GSTO1: variants seen among roughly 807,000 people sequenced by gnomAD.
GSTO1 encodes the protein glutathione S-transferase omega 1.
GSTO1 carries 27 observed loss-of-function variants against 23.8 expected under a neutral mutation model. The observed-to-expected ratio is 1.13, with a 90% CI of 0.83 to 1.56. The LOEUF (loss-of-function observed/expected upper bound fraction) is 1.56, where lower values mean the gene tolerates loss of function less well. Ranked by LOEUF, GSTO1 falls within the 40% of genes most tolerant of loss-of-function variation. The pLI is 0.00. For synonymous variants in GSTO1, 105 were observed against 109.3 expected (o/e 0.96, Z 0.25); for missense variants, 255 against 285.8 (o/e 0.89, Z 0.78).
At chr10:104,259,533 A>G (rs1486800633) in intron 2 of GSTO1, 43 bp from the exon 3 acceptor site, 3 of 1,310,808 alleles carry the variant, frequency 2.3e-6, no homozygotes, top group East Asian at 2.3e-5. Flanking sequence ...CAAAAGCACA[A>G]AAGTTGTTTC....
chr10:104,264,433 A>G (rs536990842), intron 4 of GSTO1, among the ~76,000 whole-genome samples: 1 of 152,210 alleles, frequency 6.6e-6, no homozygotes, highest in Non-Finnish European at 1.5e-5. Context: ...ATGCATTGAA[A>G]AAAAACTATG....
intron 2 of GSTO1, among the ~76,000 whole-genome samples, chr10:104,257,498 A>G (rs1480586074): frequency 6.6e-6 from 1 of 151,830 alleles, no homozygotes; most frequent in Non-Finnish European, 1.5e-5. Flanking sequence ...GTACCACCAC[A>G]CTTGGCTAAT....
intron 3 of GSTO1, 71 bp from the exon 4 acceptor site, chr10:104,262,908 C>A (rs760827589): frequency 4.2e-6 from 3 of 708,150 alleles, no homozygotes; most frequent in South Asian, 1.7e-5. Context: ...AGGGTTCTAC[C>A]ATATTTTTAT....
intron 2 of GSTO1, 50 bp downstream of exon 2, chr10:104,255,321 C>A: frequency 7.8e-7 from 1 of 1,285,420 alleles, no homozygotes; most frequent in Non-Finnish European, 1.1e-6. Flanking sequence ...GAGCCTGCTG[C>A]AGGCGGCGGG....
chr10:104,254,226 A>G (rs574624701), upstream of GSTO1: 1 of 152,614 alleles, frequency 6.6e-6, no homozygotes, highest in South Asian at 2.1e-4. Flanking sequence ...TTTGTCCCAT[A>G]CTTGGGAAGA....
rs959966473 is a variant in GSTO1, at chr10:104,255,968, T to C, written c.143+697T>C. Among the ~76,000 whole-genome samples, 11 of 152,220 alleles carry C rather than the reference T, an allele frequency of 7.2e-5. 1 individual carries two copies. The highest frequency in any genetic ancestry group is 2.7e-4 in the African/African-American group (11 of 41,456). On this transcript the variant is annotated intron_variant, in intron 2 of 5. Coordinates refer to ENST00000369713, the MANE Select transcript of GSTO1 (RefSeq NM_004832.3). The stretch of plus-strand genomic sequence containing the variant: ...CCTTCCCATGACCTTTGGATGTCTG[T>C]TGATTAGACATTTATTAGATACCTT...
Position 104,262,975 on chromosome 10 carries a change from C to T in GSTO1, c.367-4C>T, listed in dbSNP as rs765495752. On this transcript the variant is annotated splice_region_variant and splice_polypyrimidine_tract_variant and intron_variant, in intron 3 of 5. Transcript: ENST00000369713. Reference sequence around the variant, plus strand: ...GATAAACTAAGAAATTATTCTCTGTCTAGGTGCCATCCTTGGTAGGAAGCT... The same window carrying T: ...GATAAACTAAGAAATTATTCTCTGTTTAGGTGCCATCCTTGGTAGGAAGCT... 1 of 1,287,932 alleles carries T rather than the reference C, an allele frequency of 7.8e-7. No individual in the cohort carries two copies. Among genetic ancestry groups the T allele is most frequent in the South Asian group, 1.2e-5 (1 of 82,462 alleles). 79.8% of individuals were successfully genotyped at this position (1,287,932 alleles called of 1,614,324 possible).
In GSTO1 at chr10:104,255,215, G is replaced by T. The variant is rs1364917793; in HGVS notation, c.87G>T (p.Met29Ile). ...VPEGSIRIYS[M>I]RFCPFAERTR... The stretch of plus-strand genomic sequence containing the variant: ...AGGGCTCGATCCGCATCTACAGCAT[G>T]AGGTTCTGCCCGTTTGCTGAGAGGA... Residue 29 changes from methionine to isoleucine, a missense_variant, in exon 2 of 6, where the codon ATG becomes ATT. Met to Ile is a conservative substitution (Grantham distance 10). Coordinates refer to ENST00000369713, the MANE Select transcript of GSTO1 (RefSeq NM_004832.3). 3 of 1,613,838 alleles carry T rather than the reference G, an allele frequency of 1.9e-6. No homozygotes were observed. Among genetic ancestry groups the T allele is most frequent in the Non-Finnish European group, 2.5e-6 (3 of 1,179,882 alleles).
chr10:104,264,972 T>C (rs559648100), intron 4 of GSTO1, among the ~76,000 whole-genome samples: 4 of 152,354 alleles, frequency 2.6e-5, no homozygotes, highest in Admixed American at 2.6e-4. Flanking sequence ...AGAGTTATCA[T>C]ACTGCAAATC....
chr10:104,254,254 T>C (rs2091590669), upstream of GSTO1: 1 of 152,560 alleles, frequency 6.6e-6, no homozygotes, highest in Non-Finnish European at 1.5e-5. Flanking sequence ...TTAGTTTACA[T>C]TGCCAAGATG....
chr10:104,256,112 T>C (rs2091601849), intron 2 of GSTO1, among the ~76,000 whole-genome samples: 6 of 152,198 alleles, frequency 3.9e-5, no homozygotes, highest in Admixed American at 3.9e-4. Context: ...TCTTTAGGGG[T>C]AGGCAATTAT....
At position 104,254,928 on chromosome 10, in the gene GSTO1, G is replaced by A; in HGVS notation, c.-1G>A. 6.2e-7 allele frequency: 1 copy of A among 1,611,534 alleles called. No individual in the cohort carries two copies. Among genetic ancestry groups the A allele is most frequent in the South Asian group, 1.1e-5 (1 of 90,502 alleles). On this transcript the variant is annotated 5_prime_UTR_variant, in exon 1 of 6. Transcript: ENST00000369713. Reference sequence around the variant, plus strand: ...AGGAGCTCGGCCTGCGCTGCGCCACGATGTCCGGGGAGTCAGCCAGGAGCT... The same window carrying A: ...AGGAGCTCGGCCTGCGCTGCGCCACAATGTCCGGGGAGTCAGCCAGGAGCT...
chr10:104,256,465 T>A (rs947006680), intron 2 of GSTO1, among the ~76,000 whole-genome samples: 2 of 152,206 alleles, frequency 1.3e-5, no homozygotes, highest in African/African-American at 4.8e-5. Context: ...CCTACCTTAT[T>A]TACTGGGGCA....
Position 104,267,366 on chromosome 10 carries a change from C to T in GSTO1, c.687C>T (p.Tyr229=). Residue 229 remains tyrosine, a synonymous_variant, in exon 6 of 6, where the codon TAC becomes TAT. Coordinates refer to ENST00000369713, the MANE Select transcript of GSTO1 (RefSeq NM_004832.3). ...EKDWQGFLEL[Y]LQNSPEACDY... The stretch of plus-strand genomic sequence containing the variant: ...ACTGGCAAGGTTTCCTAGAGCTCTA[C>T]TTACAGAACAGCCCTGAGGCCTGTG... 1 of 1,613,868 alleles carries T rather than the reference C, an allele frequency of 6.2e-7. No individual in the cohort carries two copies.
In GSTO1 at chr10:104,267,410, G is replaced by C. The variant is rs749691598; in HGVS notation, c.*5G>C. ...GCCTGTGACTATGGGCTCTGAAGGG[G>C]GCAGGAGTCAGCAATAAAGCTATGT... On this transcript the variant is annotated 3_prime_UTR_variant, in exon 6 of 6. Coordinates refer to ENST00000369713, the MANE Select transcript of GSTO1 (RefSeq NM_004832.3). 8 of 1,583,876 alleles carry C rather than the reference G, an allele frequency of 5.1e-6. No homozygotes were observed. In the South Asian group the frequency reaches 9.2e-5, roughly 18 times the overall value.
rs1463349133 is a variant in GSTO1 at position 104,255,216 on chromosome 10, A to C, written c.88A>C (p.Arg30=). 2 of 1,613,718 alleles carry C rather than the reference A, an allele frequency of 1.2e-6. No homozygotes were observed. Among genetic ancestry groups the C allele is most frequent in the Non-Finnish European group, 8.5e-7 (1 of 1,179,780 alleles). Residue 30 remains arginine (R), a synonymous_variant, in exon 2 of 6, where the codon AGG becomes CGG. Transcript: ENST00000369713. The part of the protein sequence containing the change: ...PEGSIRIYSM[R]FCPFAERTRL... ...GGGCTCGATCCGCATCTACAGCATG[A>C]GGTTCTGCCCGTTTGCTGAGAGGAC...
intron 2 of GSTO1, among the ~76,000 whole-genome samples, chr10:104,258,170 G>A (rs777548222): frequency 1.3e-5 from 2 of 152,210 alleles, no homozygotes; most frequent in Non-Finnish European, 2.9e-5. Context: ...GCCTGGGGAT[G>A]TGTGTTTGAC....
intron 5 of GSTO1, 85 bp from the exon 6 acceptor site, chr10:104,267,167 T>C (rs1055129254): frequency 7.8e-6 from 6 of 767,720 alleles, no homozygotes; most frequent in African/African-American, 5.2e-5. Flanking sequence ...AGTGAAACTG[T>C]AGAGTAATAA....
intron 4 of GSTO1, among the ~76,000 whole-genome samples, chr10:104,263,554 G>C (rs992219749): frequency 6.6e-6 from 1 of 152,084 alleles, no homozygotes; most frequent in Admixed American, 6.5e-5. Flanking sequence ...AGACACTTGA[G>C]GGAAGCCCAG....
Sources: allele counts gnomAD v4.1 joint callset (sites outside exome capture counted in the v4.1 genomes callset), GRCh38; gene constraint gnomAD v4.1.1; transcripts MANE v1.5; gene names NCBI Gene and HGNC (gene_info 2026-07-23, HGNC 2026-07-21).